ATP6V1E1: variants seen among roughly 807,000 people sequenced by gnomAD.
ATP6V1E1 encodes V-type proton ATPase subunit E 1.
In ATP6V1E1, 21 loss-of-function variants were observed where a neutral mutation model predicts 35.2. That is an observed-to-expected ratio of 0.60 (90% CI 0.42 to 0.86). The LOEUF (loss-of-function observed/expected upper bound fraction) is 0.86. Among genes scored for constraint, ATP6V1E1 ranks in the 40% least tolerant of loss-of-function variants. The pLI is 0.00. For synonymous variants in ATP6V1E1, 83 were observed against 87.8 expected, an observed-to-expected ratio of 0.95 and a Z score of 0.30; for missense variants, 183 against 272.6, an observed-to-expected ratio of 0.67 and a Z score of 2.32.
intron 2 of ATP6V1E1, among the ~76,000 whole-genome samples, chr22:17,615,682 G>A (rs2146311138): frequency 6.6e-6 from 1 of 151,788 alleles, no homozygotes; most frequent in African/African-American, 2.4e-5. Flanking sequence ...GGTGGATCAT[G>A]AGGTCAAGAG....
rs1447236086 is a variant in ATP6V1E1 at position 17,592,338 on chromosome 22, C to T, written c.*336G>A. 3 of 295,118 alleles carry T rather than the reference C, an allele frequency of 1.0e-5. No individual in the cohort carries two copies. The highest frequency in any genetic ancestry group is 6.5e-5 in the African/African-American group (3 of 46,398). 18.3% of individuals were successfully genotyped at this position (295,118 alleles called of 1,614,324 possible). A position where few individuals can be genotyped will look rare whatever the true frequency, so the allele number is the denominator to read the frequency against. ...GCCTCAAGAGTGGGGACTGCAGGGC[C>T]AAACACCAAATACATCACCTTTAGG... On this transcript the variant is annotated 3_prime_UTR_variant, in exon 9 of 9. Transcript: ENST00000253413.
At chr22:17,614,667 TAAAA>T (rs200743259) in intron 2 of ATP6V1E1, among the ~76,000 whole-genome samples, 1 of 130,728 alleles carries the variant, frequency 7.6e-6, no homozygotes, top group Non-Finnish European at 1.6e-5. Flanking sequence ...AGCGAACTCT[TAAAA>T]AAAAAAAAAA....
intron 2 of ATP6V1E1, among the ~76,000 whole-genome samples, chr22:17,614,800 C>G (rs1231669831): frequency 1.3e-5 from 2 of 151,352 alleles, no homozygotes; most frequent in African/African-American, 4.9e-5. Context: ...AACCCCGTCT[C>G]TACTAAAAAA....
At chr22:17,599,747 C>A (rs1018921189) in intron 6 of ATP6V1E1, among the ~76,000 whole-genome samples, 1 of 151,364 alleles carries the variant, frequency 6.6e-6, no homozygotes, top group African/African-American at 2.4e-5. Context: ...TGGTGAAACC[C>A]TCCCTCTACT....
chr22:17,605,875 G>A (rs2057784672), intron 4 of ATP6V1E1, among the ~76,000 whole-genome samples: 1 of 151,920 alleles, frequency 6.6e-6, no homozygotes, highest in Non-Finnish European at 1.5e-5. Context: ...GCCTGGGCTG[G>A]TCTTGAATGC....
At chr22:17,599,394 G>A (rs948375525) in intron 6 of ATP6V1E1, among the ~76,000 whole-genome samples, 1 of 151,626 alleles carries the variant, frequency 6.6e-6, no homozygotes, top group Non-Finnish European at 1.5e-5. Flanking sequence ...GGCCAACACG[G>A]TGAAACCCTG....
intron 1 of ATP6V1E1, among the ~76,000 whole-genome samples, chr22:17,627,690 G>A (rs2057922416): frequency 2.0e-5 from 3 of 150,590 alleles, no homozygotes; most frequent in Admixed American, 1.3e-4. Flanking sequence ...GGCTTGGGGC[G>A]CGAGTCTGTA....
intron 1 of ATP6V1E1, among the ~76,000 whole-genome samples, chr22:17,621,086 T>G (rs966561473): frequency 1.3e-5 from 2 of 152,002 alleles, no homozygotes; most frequent in Admixed American, 6.6e-5. Context: ...TTCTTTACCT[T>G]GCCCACCTCG....
At chr22:17,621,684 T>C (rs940646605) in intron 1 of ATP6V1E1, among the ~76,000 whole-genome samples, 3 of 152,338 alleles carry the variant, frequency 2.0e-5, no homozygotes, top group African/African-American at 4.8e-5. Context: ...ACTAAACTTA[T>C]TTCAGTTCCT....
chr22:17,612,220 C>T (rs2057819106), intron 4 of ATP6V1E1, among the ~76,000 whole-genome samples: 1 of 152,164 alleles, frequency 6.6e-6, no homozygotes, highest in Admixed American at 6.6e-5. Flanking sequence ...CCTCCACAGT[C>T]ACAATGAGTA....
chr22:17,594,486 A>G (rs2057720976), intron 8 of ATP6V1E1, 43 bp downstream of exon 8: 2 of 1,417,682 alleles, frequency 1.4e-6, no homozygotes, highest in Non-Finnish European at 9.5e-7. Context: ...TCCCACTTCA[A>G]AGTAACAGCA....
At chr22:17,593,973 C>A (rs1043665774) in intron 8 of ATP6V1E1, among the ~76,000 whole-genome samples, 2 of 152,122 alleles carry the variant, frequency 1.3e-5, no homozygotes, top group Non-Finnish European at 2.9e-5. Flanking sequence ...GAGGCCAAGG[C>A]GGGTGGATCA....
Position 17,592,643 on chromosome 22 carries a change from G to C in ATP6V1E1, c.*31C>G. ...CAGAAGCTTCCACATCACAGCAGGA[G>C]AGCTGACGACGAGCTCCACCTCCTG... On this transcript the variant is annotated 3_prime_UTR_variant, in exon 9 of 9. Coordinates refer to ENST00000253413, the MANE Select transcript of ATP6V1E1 (RefSeq NM_001696.4). 1 of 1,604,436 alleles carries C rather than the reference G, an allele frequency of 6.2e-7. No individual in the cohort carries two copies. Among genetic ancestry groups the C allele is most frequent in the Non-Finnish European group, 8.5e-7 (1 of 1,171,238 alleles).
At chr22:17,620,669 G>GCT (rs1185275987) in intron 1 of ATP6V1E1, among the ~76,000 whole-genome samples, 1 of 152,060 alleles carries the variant, frequency 6.6e-6, no homozygotes, top group Non-Finnish European at 1.5e-5. Flanking sequence ...CTCACTTTGA[G>GCT]CTCTCTCTCA....
At chr22:17,596,333 G>A (rs564259111) in intron 7 of ATP6V1E1, among the ~76,000 whole-genome samples, 3 of 152,234 alleles carry the variant, frequency 2.0e-5, no homozygotes, top group African/African-American at 4.8e-5. Flanking sequence ...GGCAGATCCC[G>A]AGGCAATGAA....
chr22:17,599,484 G>A (rs1215169749), intron 6 of ATP6V1E1, among the ~76,000 whole-genome samples: 4 of 148,144 alleles, frequency 2.7e-5, no homozygotes, highest in African/African-American at 7.5e-5. Context: ...GCTGAGGCAG[G>A]AGAATTGCTT....
chr22:17,609,247 G>A (rs962884417), intron 4 of ATP6V1E1, among the ~76,000 whole-genome samples: 36 of 151,194 alleles, frequency 2.4e-4, no homozygotes, highest in South Asian at 4.2e-4. Context: ...TGCAACCTCC[G>A]CCTCCCGGGT....
chr22:17,617,569 C>A (rs1035259895), intron 2 of ATP6V1E1, among the ~76,000 whole-genome samples: 5 of 151,992 alleles, frequency 3.3e-5, no homozygotes, highest in Admixed American at 2.0e-4. Flanking sequence ...GCTGGGATTA[C>A]AGGTGTGAGC....
intron 4 of ATP6V1E1, among the ~76,000 whole-genome samples, chr22:17,609,804 T>C (rs2057806277): frequency 1.3e-5 from 2 of 152,170 alleles, no homozygotes; most frequent in South Asian, 4.1e-4. Context: ...CCTCAAAATT[T>C]GAAAACCACT....
Sources: gnomAD v4.1 joint callset for allele counts (sites outside exome capture counted in the v4.1 genomes callset) on GRCh38, gnomAD v4.1.1 for gene constraint, MANE v1.5 for transcripts, NCBI Gene and HGNC (gene_info 2026-07-23, HGNC 2026-07-21) for gene names.